BARX2: variants seen among roughly 807,000 people sequenced by gnomAD.
BARX2 encodes homeobox protein BarH-like 2.
BARX2 carries 11 observed loss-of-function variants against 25.5 expected under a neutral mutation model. The observed-to-expected ratio is 0.43, with a 90% CI of 0.27 to 0.71. The LOEUF (loss-of-function observed/expected upper bound fraction) is 0.71. Among genes scored for constraint, BARX2 ranks in the 30% least tolerant of loss-of-function variants. BARX2 has a pLI of 0.19. For missense variants in BARX2, 360 were observed against 359.9 expected, an observed-to-expected ratio of 1.00 and a Z score of 0.00; for synonymous variants, 137 against 149.5, an observed-to-expected ratio of 0.92 and a Z score of 0.61.
chr11:129,397,065 G>T (rs535358852), intron 1 of BARX2, among the ~76,000 whole-genome samples: 30 of 152,236 alleles, frequency 2.0e-4, no homozygotes, highest in African/African-American at 7.2e-4. Flanking sequence ...CAGGAGGATT[G>T]CTTGAGCCTG....
In BARX2 at chr11:129,451,194, C is replaced by T. The variant is rs1482271729; in HGVS notation, c.632C>T (p.Ser211Phe). The T allele has an allele frequency of 1.9e-6, 3 of 1,614,166 alleles. No homozygotes were observed. Among genetic ancestry groups the T allele is most frequent in the Non-Finnish European group, 1.7e-6 (2 of 1,180,028 alleles). Reference sequence around the variant, plus strand: ...CCCAAAGGTCGCCCCAAGAAGAACTCCATCCCCACATCAGAAGAGATTGAA... The same window carrying T: ...CCCAAAGGTCGCCCCAAGAAGAACTTCATCCCCACATCAGAAGAGATTGAA... ...TKPKGRPKKN[S>F]IPTSEEIEAE... The change falls in exon 4 of 4, where the codon TCC becomes TTC. Residue 211 changes from serine (S) to phenylalanine (F), a missense_variant. This residue lies in a region of BARX2 where 114 missense variants were observed against 109.4 expected (regional missense o/e 1.04). Coordinates refer to ENST00000281437, the MANE Select transcript of BARX2 (RefSeq NM_003658.5).
At chr11:129,428,095 A>G (rs1242510201) in intron 1 of BARX2, among the ~76,000 whole-genome samples, 1 of 152,254 alleles carries the variant, frequency 6.6e-6, no homozygotes, top group Non-Finnish European at 1.5e-5. Flanking sequence ...AACATTGGCT[A>G]AGAGGATTGG....
At chr11:129,441,702 G>A (rs993507985) in intron 2 of BARX2, among the ~76,000 whole-genome samples, 8 of 152,048 alleles carry the variant, frequency 5.3e-5, no homozygotes, top group African/African-American at 1.9e-4. Context: ...CACCCGCCTC[G>A]GCCTCCCAAA....
chr11:129,431,818 T>A (rs574214728), intron 1 of BARX2, among the ~76,000 whole-genome samples: 2 of 152,158 alleles, frequency 1.3e-5, no homozygotes, highest in South Asian at 4.1e-4. Context: ...TGCATCATGC[T>A]TTTGGTGTCA....
chr11:129,422,246 C>T (rs371115844), intron 1 of BARX2, among the ~76,000 whole-genome samples: 7 of 152,306 alleles, frequency 4.6e-5, no homozygotes, highest in Middle Eastern at 3.4e-3. Context: ...CTAGACCCTA[C>T]GCTGGACAAG....
rs766420392 is a variant in BARX2, at chr11:129,451,425, A to G, written c.*23A>G. The G allele has an allele frequency of 1.9e-6, 3 of 1,603,374 alleles. No homozygotes were observed. In the South Asian group the frequency reaches 3.3e-5, roughly 18 times the overall value. ...TAAAGTAAAACCCTTTTGAGGGAAG[A>G]GGGAGACTGGGGAGAAGGGAAAAGA... On this transcript the variant is annotated 3_prime_UTR_variant, in exon 4 of 4. Transcript: ENST00000281437.
intron 3 of BARX2, among the ~76,000 whole-genome samples, chr11:129,445,904 G>T (rs759873851): frequency 7.2e-5 from 11 of 152,140 alleles, no homozygotes; most frequent in Non-Finnish European, 1.0e-4. Context: ...AGGTACCAGG[G>T]AGGAAAAGAA....
chr11:129,397,197 T>A (rs1861729330), intron 1 of BARX2, among the ~76,000 whole-genome samples: 1 of 151,326 alleles, frequency 6.6e-6, no homozygotes, highest in Non-Finnish European at 1.5e-5. Context: ...ATGGGGAGGA[T>A]CTCTTGAACC....
At chr11:129,392,966 G>C (rs919255515) in intron 1 of BARX2, among the ~76,000 whole-genome samples, 2 of 152,096 alleles carry the variant, frequency 1.3e-5, no homozygotes, top group African/African-American at 4.8e-5. Context: ...ATTCTCATTT[G>C]ACAGGTAAAG....
chr11:129,426,188 C>T (rs1046829158), intron 1 of BARX2, among the ~76,000 whole-genome samples: 17 of 152,224 alleles, frequency 1.1e-4, no homozygotes, highest in East Asian at 5.8e-4. Flanking sequence ...AAAGGCTACT[C>T]AGAATCTCTT....
intron 1 of BARX2, among the ~76,000 whole-genome samples, chr11:129,415,553 T>C (rs1387213667): frequency 6.6e-6 from 1 of 152,168 alleles, no homozygotes; most frequent in Non-Finnish European, 1.5e-5. Context: ...ACTTTTGATA[T>C]GTCTCCCTTC....
chr11:129,399,966 G>A (rs1161293027), intron 1 of BARX2, among the ~76,000 whole-genome samples: 1 of 152,146 alleles, frequency 6.6e-6, no homozygotes, highest in Non-Finnish European at 1.5e-5. Context: ...TGTGGTGTCT[G>A]AGCCCTGCCT....
chr11:129,401,756 G>A (rs1861777615), intron 1 of BARX2, among the ~76,000 whole-genome samples: 1 of 152,122 alleles, frequency 6.6e-6, no homozygotes, highest in Non-Finnish European at 1.5e-5. Context: ...AGGAGTTGGA[G>A]ACCAGCCTGG....
Position 129,436,673 on chromosome 11 carries a change from C to A in BARX2, c.188-78C>A. On this transcript the variant is annotated intron_variant, in intron 1 of 3. Coordinates refer to ENST00000281437, the MANE Select transcript of BARX2 (RefSeq NM_003658.5). The surrounding 1 kb of genome is among the most constrained non-coding windows in gnomAD (Gnocchi z 4.5). ...GCCCTCCCTGTCAGACAGACCTCAG[C>A]CAGCGGCCCTCCGCAGGTCCTGGCC... The A allele has an allele frequency of 6.8e-7, 1 of 1,462,016 alleles. No homozygotes were observed. The highest frequency in any genetic ancestry group is 9.2e-7 in the Non-Finnish European group (1 of 1,088,880). 90.6% of individuals were successfully genotyped at this position (1,462,016 alleles called of 1,614,324 possible). A position where few individuals can be genotyped will look rare whatever the true frequency, so the allele number is the denominator to read the frequency against.
At chr11:129,425,531 C>T (rs552050499) in intron 1 of BARX2, among the ~76,000 whole-genome samples, 20 of 152,250 alleles carry the variant, frequency 1.3e-4, no homozygotes, top group Admixed American at 1.1e-3. Flanking sequence ...GTGGAGGCTG[C>T]GGGCTGGATG....
In BARX2 at chr11:129,385,550, A is replaced by C. The variant is rs545559661; in HGVS notation, c.187+9328A>C. On this transcript the variant is annotated intron_variant, in intron 1 of 3. Coordinates refer to ENST00000281437, the MANE Select transcript of BARX2 (RefSeq NM_003658.5). The stretch of plus-strand genomic sequence containing the variant: ...GAAAAAAAGTTGTAGATTGATACTT[A>C]CTGTCTGATACCATTTATTTAAATG... Among the ~76,000 whole-genome samples, 200 of 152,330 alleles carry C rather than the reference A, an allele frequency of 1.3e-3. 1 individual carries two copies. Among genetic ancestry groups the C allele is most frequent in the African/African-American group, 3.8e-3 (156 of 41,578 alleles).
At position 129,402,279 on chromosome 11, in the gene BARX2, C is replaced by CT. The variant is rs556612550; in HGVS notation, c.187+26059dup. On this transcript the variant is annotated intron_variant, in intron 1 of 3. Coordinates refer to ENST00000281437, the MANE Select transcript of BARX2 (RefSeq NM_003658.5). ...AGTCCCTTACTTCTTAGCATGTTAGCTTGGGCACATTGCTTAGACACACTG... is the reference window on the plus strand; with the variant it reads ...AGTCCCTTACTTCTTAGCATGTTAGCTTTGGGCACATTGCTTAGACACACTG... Among the ~76,000 whole-genome samples, 385 of 151,794 alleles carry CT rather than the reference C, an allele frequency of 2.5e-3. 1 individual carries two copies. The highest frequency in any genetic ancestry group is 0.013 in the South Asian group (63 of 4,800).
rs987116709 is a variant in BARX2, at chr11:129,436,377, A to C, written c.188-374A>C. On this transcript the variant is annotated intron_variant, in intron 1 of 3. Coordinates refer to ENST00000281437, the MANE Select transcript of BARX2 (RefSeq NM_003658.5). This position sits in a 1 kb window ranked among gnomAD's most constrained non-coding sequence, Gnocchi z 4.5. ...GTTCTCAGGAAGTTTGCATATTACA[A>C]ATCTATTTCGGGTTTCTGAAATATG... 1 of 224,622 alleles carries C rather than the reference A, an allele frequency of 4.5e-6. No homozygotes were observed. Among genetic ancestry groups the C allele is most frequent in the African/African-American group, 2.3e-5 (1 of 44,296 alleles). The allele number at this position is 224,622 out of a possible 1,614,324, so 13.9% of individuals were successfully genotyped here. A position where few individuals can be genotyped will look rare whatever the true frequency, so the allele number is the denominator to read the frequency against.
At chr11:129,433,083 A>G (rs1166279589) in intron 1 of BARX2, among the ~76,000 whole-genome samples, 7 of 152,144 alleles carry the variant, frequency 4.6e-5, no homozygotes, top group Non-Finnish European at 8.8e-5. Flanking sequence ...ACTCCTCAAC[A>G]TGTGCAAGAT....
Sources: allele counts gnomAD v4.1 joint callset (sites outside exome capture counted in the v4.1 genomes callset), GRCh38; gene constraint gnomAD v4.1.1; regional missense constraint gnomAD v4.1.1; non-coding constraint Gnocchi (gnomAD v3.1); transcripts MANE v1.5; gene names NCBI Gene and HGNC (gene_info 2026-07-23, HGNC 2026-07-21).